The following PFKL variants were observed in gnomAD, a reference collection of about 807,000 sequenced individuals.
PFKL encodes the protein ATP-dependent 6-phosphofructokinase, liver type.
Under a neutral mutation model 92.1 loss-of-function variants are expected in PFKL, and 74 were observed. That is an observed-to-expected ratio of 0.80 (90% confidence interval 0.67 to 0.97). The LOEUF (loss-of-function observed/expected upper bound fraction) is 0.97. Among genes scored for constraint, PFKL ranks in the 50% least tolerant of loss-of-function variants. The pLI, the probability that PFKL is intolerant of heterozygous loss-of-function variation, is 0.00. For missense variants in PFKL, 1,028 were observed against 1,116.6 expected (o/e 0.92, Z 1.13); for synonymous variants, 494 against 456.4 (o/e 1.08, Z -1.05).
In PFKL at chr21:44,313,154, C is replaced by G; in HGVS notation, c.593+11C>G. 1.2e-6 allele frequency: 2 copies of G among 1,611,790 alleles called. No individual in the cohort carries two copies. Among genetic ancestry groups the G allele is most frequent in the Non-Finnish European group, 1.7e-6 (2 of 1,179,564 alleles). ...CACCACTGCCCAGAGGTGAGTGAGGCTGGCGCCGGCGGCCAGCCCAGGGCC... is the reference window on the plus strand; with the variant it reads ...CACCACTGCCCAGAGGTGAGTGAGGGTGGCGCCGGCGGCCAGCCCAGGGCC... On this transcript the variant is annotated intron_variant, in intron 5 of 21. Coordinates refer to ENST00000349048, the MANE Select transcript of PFKL (RefSeq NM_002626.6).
At chr21:44,311,522 A>T (rs942540246) in intron 3 of PFKL, among the ~76,000 whole-genome samples, 2 of 152,236 alleles carry the variant, frequency 1.3e-5, no homozygotes, top group Admixed American at 1.3e-4. Flanking sequence ...AGACATATGT[A>T]CTCAGAGTCA....
rs755605739 is a variant in PFKL, at chr21:44,326,193, C to T, written c.2124C>T (p.Cys708=). ...RVFANAPDSA[C]VIGLKKKAVA... ...TCGCCAATGCCCCAGACTCGGCCTG[C>T]GTGATCGGCCTGAAGAAGAAGGCGG... Residue 708 remains cysteine (C), a synonymous_variant, in exon 21 of 22, where the codon TGC becomes TGT. Transcript: ENST00000349048. 14 of 1,612,782 alleles carry T rather than the reference C, an allele frequency of 8.7e-6. No homozygotes were observed. Among genetic ancestry groups the T allele is most frequent in the Middle Eastern group, 3.3e-4 (2 of 6,084 alleles).
At chr21:44,316,137 T>C in intron 7 of PFKL, 107 bp from the exon 8 acceptor site, 1 of 952,066 alleles carries the variant, frequency 1.1e-6, no homozygotes, top group Middle Eastern at 2.2e-4. Flanking sequence ...CCCTGGCCCA[T>C]GTGGGTTGGG....
chr21:44,311,377 C>T (rs944096787), intron 3 of PFKL, among the ~76,000 whole-genome samples: 10 of 149,916 alleles, frequency 6.7e-5, no homozygotes, highest in East Asian at 1.9e-4. Flanking sequence ...CACACAGACG[C>T]GCACACAGAC....
chr21:44,305,851 A>G, intron 1 of PFKL: 1 of 1,366,588 alleles, frequency 7.3e-7, no homozygotes, highest in South Asian at 1.1e-5. Context: ...CTTTCACTGC[A>G]GTCCTGGGAG....
At chr21:44,304,889 A>AGG (rs201544793) in intron 1 of PFKL, among the ~76,000 whole-genome samples, 1,709 of 152,130 alleles carry the variant, frequency 0.011, 27 homozygotes, top group African/African-American at 0.029. Flanking sequence ...TGGGGATGTG[A>AGG]GGGAGGCACT....
intron 3 of PFKL, among the ~76,000 whole-genome samples, chr21:44,311,771 A>T (rs966137713): frequency 6.6e-6 from 1 of 152,120 alleles, no homozygotes; most frequent in African/African-American, 2.4e-5. Flanking sequence ...CTGAGTTGGT[A>T]CAGGGCCTGT....
Position 44,326,723 on chromosome 21 carries a change from T to C in PFKL, c.2204T>C (p.Met735Thr), listed in dbSNP as rs773767142. 1.2e-6 allele frequency: 2 copies of C among 1,611,922 alleles called. No homozygotes were observed. The highest frequency in any genetic ancestry group is 1.7e-6 in the Non-Finnish European group (2 of 1,179,504). The change falls in exon 22 of 22, where the codon ATG becomes ACG. Residue 735 changes from methionine to threonine, a missense_variant. Physicochemically the swap from Met to Thr is moderately conservative, Grantham distance 81 (BLOSUM62 -1). Coordinates refer to ENST00000349048, the MANE Select transcript of PFKL (RefSeq NM_002626.6). Reference sequence around the variant, plus strand: ...ATCCCCGTCCTGCACAGGCACCGCATGCCACGGGAGCAGTGGTGGCTGAGC... The same window carrying C: ...ATCCCCGTCCTGCACAGGCACCGCACGCCACGGGAGCAGTGGTGGCTGAGC... ...LKKDTDFEHR[M>T]PREQWWLSLR... is the part of the protein sequence containing the mutation.
chr21:44,327,013 C>G lies in PFKL; in HGVS notation c.*151C>G. 1.5e-6 allele frequency: 1 copy of G among 689,626 alleles called. No individual in the cohort carries two copies. Among genetic ancestry groups the G allele is most frequent in the Non-Finnish European group, 2.4e-6 (1 of 411,634 alleles). 42.7% of individuals were successfully genotyped at this position (689,626 alleles called of 1,614,324 possible). On this transcript the variant is annotated 3_prime_UTR_variant, in exon 22 of 22. Coordinates refer to ENST00000349048, the MANE Select transcript of PFKL (RefSeq NM_002626.6). The stretch of plus-strand genomic sequence containing the variant: ...CATCCCCTGCCTCTATCCCTGGCCA[C>G]CTGCCAGGCCTCCCTCGGGCTGGTG...
intron 3 of PFKL, among the ~76,000 whole-genome samples, 193 bp downstream of exon 3, chr21:44,311,276 G>A (rs1254312508): frequency 1.4e-5 from 2 of 144,432 alleles, no homozygotes; most frequent in Non-Finnish European, 3.0e-5. Context: ...ACACAGACCC[G>A]TGCACGGACA....
At chr21:44,321,522 G>C (rs1240127212) in intron 12 of PFKL, 1 of 453,276 alleles carries the variant, frequency 2.2e-6, no homozygotes, top group Non-Finnish European at 3.8e-6. Flanking sequence ...GGCTTGCACC[G>C]TGTCTCTTTT....
intron 1 of PFKL, 129 bp from the exon 2 acceptor site, chr21:44,306,552 C>T: frequency 1.3e-6 from 1 of 765,162 alleles, no homozygotes; most frequent in Non-Finnish European, 2.2e-6. Context: ...AGGGCCTTCC[C>T]CCACCACCCG....
chr21:44,302,775 A>G (rs2146410729), intron 1 of PFKL, among the ~76,000 whole-genome samples: 1 of 152,276 alleles, frequency 6.6e-6, no homozygotes, highest in South Asian at 2.1e-4. Flanking sequence ...GGTTGGGGAC[A>G]AGACAGGCCA....
rs1253273486 is a variant in PFKL, at chr21:44,315,998, C to T, written c.748-246C>T. 4 of 542,494 alleles carry T rather than the reference C, an allele frequency of 7.4e-6. No individual in the cohort carries two copies. In the East Asian group the frequency reaches 9.5e-5, roughly 13 times the overall value. 33.6% of individuals were successfully genotyped at this position (542,494 alleles called of 1,614,324 possible). ...GAGGGCCCCCTTCCTCCCCTGCTGC[C>T]CTTCCCAGGCTTTCGGGCAGAGCCC... On this transcript the variant is annotated intron_variant, in intron 7 of 21. Coordinates refer to ENST00000349048, the MANE Select transcript of PFKL (RefSeq NM_002626.6).
intron 5 of PFKL, 106 bp from the exon 6 acceptor site, chr21:44,313,532 C>A: frequency 9.2e-7 from 1 of 1,086,086 alleles, no homozygotes; most frequent in Non-Finnish European, 1.4e-6. Flanking sequence ...GGGGCTGTCC[C>A]CTGCCTGCCT....
intron 7 of PFKL, chr21:44,315,982 C>T (rs2047193104): frequency 3.9e-6 from 2 of 517,706 alleles, no homozygotes; most frequent in Non-Finnish European, 7.0e-6. Context: ...CGAGGGCCCC[C>T]TTCCTCCCCT....
At chr21:44,309,618 G>A (rs1435359575) in intron 2 of PFKL, among the ~76,000 whole-genome samples, 1 of 152,220 alleles carries the variant, frequency 6.6e-6, no homozygotes, top group South Asian at 2.1e-4. Flanking sequence ...GCAGGGGCCT[G>A]GCTGGCGCCT....
At position 44,323,819 on chromosome 21, in the gene PFKL, C is replaced by G; in HGVS notation, c.1551C>G (p.Leu517=). 1 of 1,613,198 alleles carries G rather than the reference C, an allele frequency of 6.2e-7. No homozygotes were observed. The highest frequency in any genetic ancestry group is 8.5e-7 in the Non-Finnish European group (1 of 1,179,908). ...LVEARGRYEE[L]CIVMCVIPAT... The stretch of plus-strand genomic sequence containing the variant: ...AGGCTCGCGGGCGCTACGAGGAGCT[C>G]TGCATCGTCATGTGTGTCATCCCAG... The change falls in exon 16 of 22, where the codon CTC becomes CTG. Residue 517 remains leucine (L), a synonymous_variant. Transcript: ENST00000349048.
chr21:44,311,385 GAC>G (rs901077093), intron 3 of PFKL, among the ~76,000 whole-genome samples: 5 of 151,734 alleles, frequency 3.3e-5, no homozygotes, highest in East Asian at 1.9e-4. Context: ...CGCGCACACA[GAC>G]ACACACAGAT....
Sources: gnomAD v4.1 joint callset for allele counts (sites outside exome capture counted in the v4.1 genomes callset) on GRCh38, gnomAD v4.1.1 for gene constraint, MANE v1.5 for transcripts, NCBI Gene and HGNC (gene_info 2026-07-23, HGNC 2026-07-21) for gene names.